Variants in CNDP1 observed in about 807,000 individuals in gnomAD.
CNDP1 encodes the protein beta-Ala-His dipeptidase.
A neutral mutation model predicts 58.1 loss-of-function variants in CNDP1; 44 were observed. The ratio of observed to expected loss-of-function variants is 0.76; its 90% confidence interval spans 0.60 to 0.97. The LOEUF is 0.97. Among genes scored for constraint, CNDP1 ranks in the 50% least tolerant of loss-of-function variants. The pLI is 0.00. For missense variants in CNDP1, 616 were observed against 655.1 expected (o/e 0.94, Z 0.65); for synonymous variants, 254 against 252.6 (o/e 1.01, Z -0.05).
chr18:74,584,583 G>A lies in CNDP1; in HGVS notation c.*21G>A. 6.3e-7 allele frequency: 1 copy of A among 1,587,730 alleles called. No homozygotes were observed. Among genetic ancestry groups the A allele is most frequent in the South Asian group, 1.1e-5 (1 of 90,468 alleles). On this transcript the variant is annotated 3_prime_UTR_variant, in exon 12 of 12. Coordinates refer to ENST00000358821, the MANE Select transcript of CNDP1 (RefSeq NM_032649.6). ...ATTAATCACAAGAACCTTCTAGTCT[G>A]ATCTGATCCACTGACAGATTCACCT...
Position 74,570,311 on chromosome 18 carries a change from A to G in CNDP1, c.757-875A>G, listed in dbSNP as rs73973907. The stretch of plus-strand genomic sequence containing the variant: ...CCAGTCCAGGGAGAGTGACGTAGAC[A>G]AAAAGAAATCCTGGCTTGGCCCGGG... On this transcript the variant is annotated intron_variant, in intron 6 of 11. Coordinates refer to ENST00000358821, the MANE Select transcript of CNDP1 (RefSeq NM_032649.6). Among the ~76,000 whole-genome samples the G allele has an allele frequency of 8.3e-3, 1,263 of 152,218 alleles. 19 individuals carry two copies. Among genetic ancestry groups the G allele is most frequent in the African/African-American group, 0.029 (1,203 of 41,538 alleles).
intron 3 of CNDP1, 145 bp from the exon 4 acceptor site, chr18:74,560,711 G>C: frequency 1.3e-6 from 1 of 772,798 alleles, no homozygotes; most frequent in Non-Finnish European, 2.2e-6. Flanking sequence ...GAAAAAAAAA[G>C]TGTTTCATGG....
chr18:74,545,979 G>A lies in CNDP1; in HGVS notation c.25-10359G>A, dbSNP rs575206218. On this transcript the variant is annotated intron_variant, in intron 1 of 11. Transcript: ENST00000358821. This position sits in a 1 kb window ranked among gnomAD's most constrained non-coding sequence, Gnocchi z 4.1. ...CCATTGGAAACACGCTTTTGCCTCCGAGGAACTCAAAGCCCAGCCTTGTCT... is the reference window on the plus strand; with the variant it reads ...CCATTGGAAACACGCTTTTGCCTCCAAGGAACTCAAAGCCCAGCCTTGTCT... Among the ~76,000 whole-genome samples, 5 of 152,234 alleles carry A rather than the reference G, an allele frequency of 3.3e-5. No homozygotes were observed. The highest frequency in any genetic ancestry group is 4.2e-4 in the South Asian group (2 of 4,818).
At chr18:74,571,380 T>C in intron 7 of CNDP1, 110 bp downstream of exon 7, 1 of 721,026 alleles carries the variant, frequency 1.4e-6, no homozygotes, top group East Asian at 2.5e-5. Context: ...TGAACAAGGG[T>C]GTAGATGCTT....
intron 3 of CNDP1, among the ~76,000 whole-genome samples, chr18:74,560,298 G>A (rs1304015612): frequency 6.6e-6 from 1 of 152,206 alleles, no homozygotes; most frequent in Non-Finnish European, 1.5e-5. Flanking sequence ...ACAGGCATGA[G>A]CCACCGTGCC....
chr18:74,580,593 A>G (rs1981764743), intron 10 of CNDP1, among the ~76,000 whole-genome samples: 1 of 152,232 alleles, frequency 6.6e-6, no homozygotes, highest in South Asian at 2.1e-4. Context: ...GAAGAAAATG[A>G]TGGACTAGAA....
At chr18:74,573,456 C>CTATCTATCTATGTATG (rs1363781479) in intron 7 of CNDP1, among the ~76,000 whole-genome samples, 1 of 129,244 alleles carries the variant, frequency 7.7e-6, no homozygotes. Context: ...ATCTATGTAT[C>CTATCTATCTATGTATG]TATCTATCTA....
At chr18:74,551,745 A>G (rs988367641) in intron 1 of CNDP1, among the ~76,000 whole-genome samples, 3 of 151,972 alleles carry the variant, frequency 2.0e-5, no homozygotes. Context: ...CCTAACAACA[A>G]TCATTGTTTT....
intron 1 of CNDP1, among the ~76,000 whole-genome samples, chr18:74,549,771 A>G (rs900824461): frequency 6.6e-6 from 1 of 152,224 alleles, no homozygotes; most frequent in Non-Finnish European, 1.5e-5. Context: ...CCAGAGGCCT[A>G]GGAGGACTAA....
At chr18:74,555,031 C>T (rs1981000529) in intron 1 of CNDP1, among the ~76,000 whole-genome samples, 1 of 152,186 alleles carries the variant, frequency 6.6e-6, no homozygotes, top group South Asian at 2.1e-4. Context: ...GGGGATGGCA[C>T]TGAGACTTCA....
At chr18:74,582,055 C>G (rs1165107724) in intron 10 of CNDP1, among the ~76,000 whole-genome samples, 1 of 152,224 alleles carries the variant, frequency 6.6e-6, no homozygotes, top group African/African-American at 2.4e-5. Context: ...CATCACCATT[C>G]CTGCTGCCCC....
chr18:74,559,693 A>C (rs1265209597), intron 3 of CNDP1, among the ~76,000 whole-genome samples: 2 of 152,252 alleles, frequency 1.3e-5, no homozygotes, highest in Non-Finnish European at 2.9e-5. Flanking sequence ...CTTAGAAGCC[A>C]GTGCAGATGA....
At chr18:74,562,274 G>A in intron 5 of CNDP1, 139 bp downstream of exon 5, 2 of 727,968 alleles carry the variant, frequency 2.7e-6, no homozygotes. Flanking sequence ...GTGCGACAAT[G>A]GTATCCATTT....
intron 1 of CNDP1, among the ~76,000 whole-genome samples, chr18:74,555,423 T>C (rs548487906): frequency 6.6e-6 from 1 of 152,304 alleles, no homozygotes; most frequent in African/African-American, 2.4e-5. Flanking sequence ...TGGCTCGGGC[T>C]GCACTGGGGG....
chr18:74,568,347 C>T (rs979425837), intron 6 of CNDP1, among the ~76,000 whole-genome samples: 25 of 152,210 alleles, frequency 1.6e-4, no homozygotes. Flanking sequence ...AAAATAGTCT[C>T]TGCCCTCAGG....
At chr18:74,555,798 A>T (rs1354541302) in intron 1 of CNDP1, among the ~76,000 whole-genome samples, 1 of 152,120 alleles carries the variant, frequency 6.6e-6, no homozygotes, top group Non-Finnish European at 1.5e-5. Context: ...AAGTACTGGG[A>T]TTACAGGCAT....
chr18:74,583,536 C>T, intron 10 of CNDP1, 25 bp from the exon 11 acceptor site: 1 of 1,611,642 alleles, frequency 6.2e-7, no homozygotes. Context: ...TTACCCTATT[C>T]AAATGCCTTC....
At chr18:74,574,262 A>G (rs1981572467) in intron 7 of CNDP1, among the ~76,000 whole-genome samples, 1 of 152,264 alleles carries the variant, frequency 6.6e-6, no homozygotes, top group Non-Finnish European at 1.5e-5. Flanking sequence ...AATGCATGAT[A>G]ACCTCCACTA....
chr18:74,541,812 C>G (rs1980631839), intron 1 of CNDP1, among the ~76,000 whole-genome samples: 1 of 152,204 alleles, frequency 6.6e-6, no homozygotes, highest in African/African-American at 2.4e-5. Context: ...GTTACAATCC[C>G]CCACTTCTTC....
Sources: allele counts gnomAD v4.1 joint callset (sites outside exome capture counted in the v4.1 genomes callset), GRCh38; gene constraint gnomAD v4.1.1; non-coding constraint Gnocchi (gnomAD v3.1); transcripts MANE v1.5; gene names NCBI Gene and HGNC (gene_info 2026-07-23, HGNC 2026-07-21).